Variants in SDK1 observed in about 807,000 individuals in gnomAD.
SDK1 encodes the protein sidekick cell adhesion molecule 1.
In SDK1, 157 loss-of-function variants were observed where a neutral mutation model predicts 245.5. The observed-to-expected ratio is 0.64, with a 90% confidence interval of 0.56 to 0.73. The LOEUF (loss-of-function observed/expected upper bound fraction) is 0.73, where lower values mean the gene tolerates loss of function less well. Among genes scored for constraint, SDK1 ranks in the 30% least tolerant of loss-of-function variants. The pLI, the probability that SDK1 is intolerant of heterozygous loss-of-function variation, is 0.00. For synonymous variants in SDK1, 1,647 were observed against 1,278.5 expected, an observed-to-expected ratio of 1.29 and a Z score of -6.15; for missense variants, 3,583 against 3,002.3, an observed-to-expected ratio of 1.19 and a Z score of -4.52.
chr7:4,174,405 G>T, intron 33 of SDK1, 48 bp downstream of exon 33: 1 of 1,593,042 alleles, frequency 6.3e-7, no homozygotes, highest in South Asian at 1.1e-5. Context: ...GTTCCCAGGG[G>T]ACCCTTGGTA....
chr7:3,750,420 C>G (rs1369105841), intron 4 of SDK1, among the ~76,000 whole-genome samples: 1 of 152,152 alleles, frequency 6.6e-6, no homozygotes, highest in Non-Finnish European at 1.5e-5. Flanking sequence ...GTTAGAGAAT[C>G]AACTCTTCAG....
intron 28 of SDK1, among the ~76,000 whole-genome samples, chr7:4,139,525 ATG>A (rs367735066): frequency 2.6e-4 from 3 of 11,762 alleles, no homozygotes; most frequent in East Asian, 0.012. Flanking sequence ...ATGTGTGTGT[ATG>A]TGTGTGTGTA....
chr7:3,761,771 A>T (rs1780112201), intron 4 of SDK1, among the ~76,000 whole-genome samples: 1 of 152,148 alleles, frequency 6.6e-6, no homozygotes. Context: ...ATCATGCAGG[A>T]CAGGAACGCT....
chr7:3,493,281 T>C (rs1379091573), intron 1 of SDK1, among the ~76,000 whole-genome samples: 2 of 152,218 alleles, frequency 1.3e-5, no homozygotes, highest in Admixed American at 1.3e-4. Context: ...TGTCTGTCTG[T>C]CCATCCATCT....
rs562176535 is a variant in SDK1 at position 3,677,787 on chromosome 7, G to C, written c.713+35682G>C. ...TAAACAAGACAGTGTGGTATTAGTG[G>C]AGGGATAGACACATAGTTCAGTGGA... is the stretch of plus-strand genomic sequence containing the variant. On this transcript the variant is annotated intron_variant, in intron 4 of 44. Transcript: ENST00000404826. Among the ~76,000 whole-genome samples the C allele has an allele frequency of 7.4e-4, 112 of 152,314 alleles. 1 individual carries two copies. Among genetic ancestry groups the C allele is most frequent in the African/African-American group, 2.5e-3 (106 of 41,570 alleles).
At chr7:3,474,032 C>T (rs1781265440) in intron 1 of SDK1, among the ~76,000 whole-genome samples, 1 of 148,082 alleles carries the variant, frequency 6.8e-6, no homozygotes, top group African/African-American at 2.5e-5. Context: ...TAGCTGCCTG[C>T]CATGTGGTAT....
chr7:3,412,738 C>T (rs1399294136), intron 1 of SDK1, among the ~76,000 whole-genome samples: 2 of 152,172 alleles, frequency 1.3e-5, no homozygotes, highest in Non-Finnish European at 2.9e-5. Context: ...ACTTCCAAGC[C>T]AGTCTCTTCT....
chr7:3,595,957 T>G (rs1041072137), intron 1 of SDK1, among the ~76,000 whole-genome samples: 16 of 151,746 alleles, frequency 1.1e-4, no homozygotes, highest in African/African-American at 3.9e-4. Flanking sequence ...TGGGTATTTT[T>G]TTTTTTTTTT....
chr7:3,598,015 T>C (rs1419962867), intron 1 of SDK1, among the ~76,000 whole-genome samples: 1 of 152,196 alleles, frequency 6.6e-6, no homozygotes, highest in Non-Finnish European at 1.5e-5. Context: ...TTGTAAAGCC[T>C]TTTTCTAAAG....
intron 1 of SDK1, among the ~76,000 whole-genome samples, chr7:3,535,291 A>G (rs1442038729): frequency 6.6e-6 from 1 of 152,158 alleles, no homozygotes; most frequent in Non-Finnish European, 1.5e-5. Context: ...AAAGAAAAAG[A>G]AAACTGTTAG....
intron 5 of SDK1, among the ~76,000 whole-genome samples, chr7:3,887,201 C>G (rs976409040): frequency 2.6e-5 from 4 of 152,060 alleles, no homozygotes; most frequent in Non-Finnish European, 5.9e-5. Flanking sequence ...TGTGGCTCCC[C>G]TATCTGAAGC....
At chr7:3,348,686 A>T (rs996506301) in intron 1 of SDK1, among the ~76,000 whole-genome samples, 2 of 152,122 alleles carry the variant, frequency 1.3e-5, no homozygotes, top group African/African-American at 4.8e-5. Context: ...TGTACCCCCA[A>T]ATCTGAAATA....
At position 4,049,354 on chromosome 7, in the gene SDK1, C is replaced by T. The variant is rs754830946; in HGVS notation, c.2609C>T (p.Thr870Ile). 1.9e-6 allele frequency: 3 copies of T among 1,613,860 alleles called. No homozygotes were observed. Among genetic ancestry groups the T allele is most frequent in the Non-Finnish European group, 2.5e-6 (3 of 1,179,892 alleles). Residue 870 changes from threonine (T) to isoleucine (I), a missense_variant, in exon 18 of 45, where the codon ACC becomes ATC. Transcript: ENST00000404826. The part of the protein sequence containing the change: ...VTEYTLQGVP[T>I]APPQNVQTEA... ...AATGACTGCCCTGCCACAGTGCCCACCGCGCCCCCGCAGAACGTGCAGACG... is the reference window on the plus strand; with the variant it reads ...AATGACTGCCCTGCCACAGTGCCCATCGCGCCCCCGCAGAACGTGCAGACG...
At chr7:3,846,691 C>G (rs958014682) in intron 5 of SDK1, among the ~76,000 whole-genome samples, 1 of 152,330 alleles carries the variant, frequency 6.6e-6, no homozygotes, top group Admixed American at 6.5e-5. Context: ...CTGAACTCAT[C>G]TTTTCCACAA....
intron 4 of SDK1, among the ~76,000 whole-genome samples, chr7:3,703,646 C>G (rs572262070): frequency 8.5e-5 from 13 of 152,106 alleles, no homozygotes; most frequent in Non-Finnish European, 1.8e-4. Flanking sequence ...TAAGCAGTAT[C>G]CATTAAGAGA....
chr7:4,142,250 G>T (rs949509738), intron 28 of SDK1, among the ~76,000 whole-genome samples: 3 of 152,048 alleles, frequency 2.0e-5, no homozygotes, highest in African/African-American at 7.2e-5. Flanking sequence ...CTCTAGGAAC[G>T]ATATTCAGAT....
chr7:3,416,854 T>A (rs1779379058), intron 1 of SDK1, among the ~76,000 whole-genome samples: 1 of 152,128 alleles, frequency 6.6e-6, no homozygotes, highest in Non-Finnish European at 1.5e-5. Context: ...TATGCCCAGT[T>A]GGTTAGAACC....
chr7:4,006,885 T>A (rs1001701860), intron 14 of SDK1, among the ~76,000 whole-genome samples: 4 of 152,152 alleles, frequency 2.6e-5, no homozygotes, highest in Non-Finnish European at 5.9e-5. Context: ...ACAGCCAGGA[T>A]CAGGCAGGGC....
At chr7:3,605,581 T>G (rs989959093) in intron 1 of SDK1, among the ~76,000 whole-genome samples, 7 of 152,196 alleles carry the variant, frequency 4.6e-5, no homozygotes, top group African/African-American at 1.7e-4. Flanking sequence ...AGGCAGTACA[T>G]TTTTCTCTCT....
Sources: gnomAD v4.1 joint callset for allele counts (sites outside exome capture counted in the v4.1 genomes callset) on GRCh38, gnomAD v4.1.1 for gene constraint, MANE v1.5 for transcripts, NCBI Gene and HGNC (gene_info 2026-07-23, HGNC 2026-07-21) for gene names.